The following GABBR2 variants were observed in gnomAD, a reference collection of about 807,000 sequenced individuals.
GABBR2 encodes the protein G-protein coupled receptor 51.
GABBR2 carries 23 observed loss-of-function variants against 105.6 expected under a neutral mutation model. The observed-to-expected ratio is 0.22, with a 90% CI of 0.16 to 0.31. GABBR2 has a LOEUF of 0.31. GABBR2 is among the 10% of genes least tolerant of loss of function. The pLI, the probability that GABBR2 is intolerant of heterozygous loss-of-function variation, is 1.00. For missense variants in GABBR2, 734 were observed against 1,245.5 expected (o/e 0.59, Z 6.18); for synonymous variants, 478 against 499.7 (o/e 0.96, Z 0.58).
intron 6 of GABBR2, among the ~76,000 whole-genome samples, chr9:98,470,902 C>T (rs1037788057): frequency 2.6e-5 from 4 of 152,286 alleles, no homozygotes; most frequent in African/African-American, 7.2e-5. Context: ...AGCCCTGGAC[C>T]TGTGAGCTAA....
At chr9:98,607,578 T>C in intron 1 of GABBR2, 1 of 679,386 alleles carries the variant, frequency 1.5e-6, no homozygotes, top group Non-Finnish European at 2.6e-6. Flanking sequence ...TAGGTAGTAA[T>C]ACTATCATCA....
At chr9:98,500,483 C>G (rs1007651) in intron 3 of GABBR2, among the ~76,000 whole-genome samples, 16,648 of 152,212 alleles carry the variant, frequency 0.11, 1,096 homozygotes, top group East Asian at 0.26. Context: ...CAGGCACCAA[C>G]GGCTGCTGGA....
At position 98,484,777 on chromosome 9, in the gene GABBR2, T is replaced by C. The variant is rs140232496; in HGVS notation, c.733-3780A>G. Among the ~76,000 whole-genome samples the C allele has an allele frequency of 1.3e-3, 192 of 152,356 alleles. 1 individual carries two copies. Among genetic ancestry groups the C allele is most frequent in the African/African-American group, 3.8e-3 (160 of 41,576 alleles). ...AGGTTTTGGATTTGGGGAATCTTAA[T>C]AGTTTTTCCACACATGTGCATGCTC... On this transcript the variant is annotated intron_variant, in intron 4 of 18. Coordinates refer to ENST00000259455, the MANE Select transcript of GABBR2 (RefSeq NM_005458.8).
chr9:98,551,336 G>C (rs1466623658), intron 2 of GABBR2, among the ~76,000 whole-genome samples: 3 of 152,194 alleles, frequency 2.0e-5, no homozygotes, highest in Non-Finnish European at 4.4e-5. Context: ...CCAGGAAGAA[G>C]AGGTTGCAGT....
chr9:98,607,718 A>C (rs1829449077), intron 1 of GABBR2: 1 of 766,440 alleles, frequency 1.3e-6, no homozygotes, highest in Admixed American at 1.8e-5. Flanking sequence ...GACTTGAAAG[A>C]GGTTACTAAT....
intron 18 of GABBR2, among the ~76,000 whole-genome samples, chr9:98,291,370 G>T (rs1830300395): frequency 6.6e-6 from 1 of 152,194 alleles, no homozygotes; most frequent in East Asian, 1.9e-4. Flanking sequence ...TTCTATCAGG[G>T]CTTTGCTGCA....
At chr9:98,574,357 C>T (rs558649143) in intron 2 of GABBR2, among the ~76,000 whole-genome samples, 7 of 152,328 alleles carry the variant, frequency 4.6e-5, no homozygotes, top group Admixed American at 3.3e-4. Context: ...TTGGTCTTTT[C>T]GTGACTCACT....
chr9:98,633,706 A>G (rs981574846), intron 1 of GABBR2, among the ~76,000 whole-genome samples: 1 of 152,042 alleles, frequency 6.6e-6, no homozygotes, highest in Non-Finnish European at 1.5e-5. Flanking sequence ...ATCAGACCAC[A>G]ATGCAAGTCG....
intron 1 of GABBR2, among the ~76,000 whole-genome samples, chr9:98,582,412 T>C (rs80010894): frequency 2.4e-3 from 366 of 152,284 alleles, no homozygotes; most frequent in Non-Finnish European, 4.0e-3. Flanking sequence ...TCTTCCCCAG[T>C]TGAGCCTCCA....
At chr9:98,390,184 G>C (rs975111881) in intron 9 of GABBR2, among the ~76,000 whole-genome samples, 2 of 152,032 alleles carry the variant, frequency 1.3e-5, no homozygotes, top group African/African-American at 4.8e-5. Flanking sequence ...AGACCAGCCT[G>C]GCCAACATGG....
intron 13 of GABBR2, among the ~76,000 whole-genome samples, chr9:98,327,996 A>G (rs1308433142): frequency 9.5e-6 from 1 of 105,106 alleles, no homozygotes; most frequent in Non-Finnish European, 2.1e-5. Flanking sequence ...AGACCGTATG[A>G]TCTTCCATTC....
intron 3 of GABBR2, among the ~76,000 whole-genome samples, chr9:98,520,281 C>A (rs1564102304): frequency 6.6e-6 from 1 of 152,180 alleles, no homozygotes; most frequent in Non-Finnish European, 1.5e-5. Flanking sequence ...GCCACTGATA[C>A]TAAATCCTGA....
intron 1 of GABBR2, among the ~76,000 whole-genome samples, chr9:98,644,234 C>T (rs1018688432): frequency 6.6e-6 from 1 of 152,204 alleles, no homozygotes; most frequent in African/African-American, 2.4e-5. Context: ...CAAACATAGA[C>T]ACATGATCAC....
chr9:98,648,348 G>A (rs1830059921), intron 1 of GABBR2, among the ~76,000 whole-genome samples: 1 of 151,838 alleles, frequency 6.6e-6, no homozygotes, highest in African/African-American at 2.4e-5. Context: ...GGCCAGGCTG[G>A]TCTCGAACCC....
chr9:98,496,318 C>A, intron 4 of GABBR2, 95 bp downstream of exon 4: 2 of 808,246 alleles, frequency 2.5e-6, no homozygotes, highest in South Asian at 1.4e-5. Context: ...ACTTGAGACC[C>A]AGACCAAACT....
intron 1 of GABBR2, among the ~76,000 whole-genome samples, chr9:98,646,438 C>T (rs982534268): frequency 3.3e-5 from 5 of 152,162 alleles, no homozygotes; most frequent in Admixed American, 3.3e-4. Context: ...TGGAAGCTCG[C>T]ACCTGGTTTC....
intron 5 of GABBR2, among the ~76,000 whole-genome samples, chr9:98,478,303 G>A (rs1475044401): frequency 3.3e-5 from 5 of 151,938 alleles, no homozygotes; most frequent in Non-Finnish European, 7.4e-5. Flanking sequence ...TGCTCTGAGC[G>A]TCCCCTCCCT....
At chr9:98,443,631 T>G (rs1826071656) in intron 7 of GABBR2, among the ~76,000 whole-genome samples, 1 of 152,196 alleles carries the variant, frequency 6.6e-6, no homozygotes, top group Non-Finnish European at 1.5e-5. Context: ...ACATAGCCAC[T>G]TTGCCTTTCT....
chr9:98,618,476 G>A (rs1829619358), intron 1 of GABBR2, among the ~76,000 whole-genome samples: 1 of 139,480 alleles, frequency 7.2e-6, no homozygotes. Flanking sequence ...GAAAAAAAAA[G>A]GTCTGCTGCA....
Sources: allele counts gnomAD v4.1 joint callset (sites outside exome capture counted in the v4.1 genomes callset), GRCh38; gene constraint gnomAD v4.1.1; transcripts MANE v1.5; gene names NCBI Gene and HGNC (gene_info 2026-07-23, HGNC 2026-07-21).